The following GNGT2 variants were observed in gnomAD, a reference collection of about 807,000 sequenced individuals.
The protein encoded by GNGT2 is G protein subunit gamma transducin 2, also known as guanine nucleotide-binding protein G(I)/G(S)/G(O) subunit gamma-T2.
Under a neutral mutation model 3.5 loss-of-function variants are expected in GNGT2, and 4 were observed. That is an observed-to-expected ratio of 1.13 (90% CI 0.56 to 2.59). GNGT2 has a LOEUF of 2.59. Ranked by LOEUF, GNGT2 falls within the 30% of genes most tolerant of loss-of-function variation. The pLI is 0.02. For missense variants in GNGT2, 64 were observed against 81.2 expected, an observed-to-expected ratio of 0.79 and a Z score of 0.82; for synonymous variants, 31 against 29.5, an observed-to-expected ratio of 1.05 and a Z score of -0.17.
At chr17:49,207,503 C>A in intron 2 of GNGT2, 59 bp from the exon 3 acceptor site, 1 of 909,734 alleles carries the variant, frequency 1.1e-6, no homozygotes. Context: ...GCTCCCTCCA[C>A]ACCTCGACTT....
intron 1 of GNGT2, among the ~76,000 whole-genome samples, chr17:49,209,679 G>C (rs1368027180): frequency 6.6e-6 from 1 of 152,174 alleles, no homozygotes; most frequent in Non-Finnish European, 1.5e-5. Context: ...GTCAATGGGA[G>C]GTCCTCTTAT....
chr17:49,209,646 G>A (rs926821201), intron 1 of GNGT2, among the ~76,000 whole-genome samples: 1 of 152,172 alleles, frequency 6.6e-6, no homozygotes, highest in African/African-American at 2.4e-5. Flanking sequence ...CGCTGGAGGA[G>A]CAAAAGTTAA....
chr17:49,207,893 C>T (rs1410601150), intron 2 of GNGT2, among the ~76,000 whole-genome samples: 3 of 152,066 alleles, frequency 2.0e-5, no homozygotes, highest in Admixed American at 6.6e-5. Flanking sequence ...TGGCTGGGCG[C>T]GGTGGCTCAC....
In GNGT2 at chr17:49,210,188, C is replaced by T. The variant is rs995269125; in HGVS notation, c.-133+256G>A. 6.6e-6 allele frequency: 1 copy of T among 152,508 alleles called. No homozygotes were observed. The highest frequency in any genetic ancestry group is 2.4e-5 in the African/African-American group (1 of 41,434). 9.4% of individuals were successfully genotyped at this position (152,508 alleles called of 1,614,324 possible). ...TCGGCTGTTTTCTATTTTTGCTGTG[C>T]TGCTGCCCCACAGTCCTCTGGTATG... On this transcript the variant is annotated intron_variant, in intron 1 of 3. Transcript: ENST00000507680. This position sits in a 1 kb window ranked among gnomAD's most constrained non-coding sequence, Gnocchi z 4.2.
At position 49,210,399 on chromosome 17, in the gene GNGT2, C is replaced by T. The variant is rs909204680; in HGVS notation, c.-133+45G>A. Reference sequence around the variant, plus strand: ...GTCTCCGACCCCATCCCCCAGCCGACCAGTTTCCTCTCCAGGACCAGGGAG... The same window carrying T: ...GTCTCCGACCCCATCCCCCAGCCGATCAGTTTCCTCTCCAGGACCAGGGAG... On this transcript the variant is annotated intron_variant, in intron 1 of 3. Coordinates refer to ENST00000507680, the MANE Select transcript of GNGT2 (RefSeq NM_001198754.2). This position sits in a 1 kb window ranked among gnomAD's most constrained non-coding sequence, Gnocchi z 4.2. 2.3e-5 allele frequency: 5 copies of T among 215,190 alleles called. No homozygotes were observed. The highest frequency in any genetic ancestry group is 4.6e-5 in the Non-Finnish European group (5 of 108,570). The allele number at this position is 215,190 out of a possible 1,614,324, so 13.3% of individuals were successfully genotyped here.
At position 49,206,756 on chromosome 17, in the gene GNGT2, A is replaced by G. The variant is rs774408069; in HGVS notation, c.*1T>C. 1.9e-6 allele frequency: 3 copies of G among 1,612,556 alleles called. No homozygotes were observed. Among genetic ancestry groups the G allele is most frequent in the Non-Finnish European group, 2.5e-6 (3 of 1,179,332 alleles). Reference sequence around the variant, plus strand: ...GACACTCAGGGCAGGGCTCCATGCCATCAGCTTATCAGACAGCCACCTTTC... The same window carrying G: ...GACACTCAGGGCAGGGCTCCATGCCGTCAGCTTATCAGACAGCCACCTTTC... On this transcript the variant is annotated 3_prime_UTR_variant, in exon 4 of 4. Coordinates refer to ENST00000507680, the MANE Select transcript of GNGT2 (RefSeq NM_001198754.2).
Position 49,206,872 on chromosome 17 carries a change from G to A in GNGT2, c.95C>T (p.Ala32Val), listed in dbSNP as rs1172469007. 7 of 1,613,622 alleles carry A rather than the reference G, an allele frequency of 4.3e-6. No individual in the cohort carries two copies. The highest frequency in any genetic ancestry group is 4.0e-5 in the African/African-American group (3 of 74,868). Residue 32 changes from alanine (A) to valine (V), a missense_variant, in exon 4 of 4, where the codon GCG becomes GTG. Coordinates refer to ENST00000507680, the MANE Select transcript of GNGT2 (RefSeq NM_001198754.2). ...CACGTACTCCTTGATTTCCTTTCCC[G>A]CTTTGGAAATCTGCGAGAACACAAA... ...VKNTRIPISK[A>V]GKEIKEYVEA... is the part of the protein sequence containing the mutation.
rs1257867202 is a variant in GNGT2, at chr17:49,206,825, G to T, written c.142C>A (p.Pro48Thr). The stretch of plus-strand genomic sequence containing the variant: ...TCCTCAGGGATGCCTTTGAGAAAAG[G>T]ATCGTTTCCTGCTTGGGCCTCCACG... ...EYVEAQAGND[P>T]FLKGIPEDKN... The change falls in exon 4 of 4, where the codon CCT (proline) becomes ACT (threonine). Residue 48 changes from proline to threonine, a missense_variant. Physicochemically the swap from Pro to Thr is conservative, Grantham distance 38. Coordinates refer to ENST00000507680, the MANE Select transcript of GNGT2 (RefSeq NM_001198754.2). The T allele has an allele frequency of 6.2e-7, 1 of 1,613,646 alleles. No homozygotes were observed. Among genetic ancestry groups the T allele is most frequent in the South Asian group, 1.1e-5 (1 of 91,068 alleles).
At position 49,206,828 on chromosome 17, in the gene GNGT2, C is replaced by A. The variant is rs751167025; in HGVS notation, c.139G>T (p.Asp47Tyr). 6.2e-7 allele frequency: 1 copy of A among 1,613,552 alleles called. No individual in the cohort carries two copies. The highest frequency in any genetic ancestry group is 8.5e-7 in the Non-Finnish European group (1 of 1,179,642). The change falls in exon 4 of 4, where the codon GAT becomes TAT. Residue 47 changes from aspartate (D) to tyrosine (Y), a missense_variant. Transcript: ENST00000507680. ...KEYVEAQAGNDPFLKGIPEDK... is the reference protein window; with the variant it reads ...KEYVEAQAGNYPFLKGIPEDK... Reference sequence around the variant, plus strand: ...TCAGGGATGCCTTTGAGAAAAGGATCGTTTCCTGCTTGGGCCTCCACGTAC... The same window carrying A: ...TCAGGGATGCCTTTGAGAAAAGGATAGTTTCCTGCTTGGGCCTCCACGTAC...
chr17:49,207,573 C>T (rs2043118207), intron 2 of GNGT2, 129 bp from the exon 3 acceptor site: 1 of 654,970 alleles, frequency 1.5e-6, no homozygotes, highest in East Asian at 2.6e-5. Flanking sequence ...CAGATATTCA[C>T]TCCATCCTTG....
intron 1 of GNGT2, chr17:49,209,178 C>T (rs1342875359): frequency 1.3e-5 from 2 of 152,554 alleles, no homozygotes; most frequent in African/African-American, 4.8e-5. Flanking sequence ...GCTTCTATTT[C>T]TCCACCTCCA....
chr17:49,207,326 C>T lies in GNGT2; in HGVS notation c.84+13G>A, dbSNP rs779059119. 48 of 1,588,706 alleles carry T rather than the reference C, an allele frequency of 3.0e-5. No homozygotes were observed. The highest frequency in any genetic ancestry group is 3.5e-5 in the Non-Finnish European group (41 of 1,156,880). ...CAGGAAGGGAAGAGCAGGGACGGGGCGAGGAGGCTCACCGGAATTCTTGTG... is the reference window on the plus strand; with the variant it reads ...CAGGAAGGGAAGAGCAGGGACGGGGTGAGGAGGCTCACCGGAATTCTTGTG... On this transcript the variant is annotated intron_variant, in intron 3 of 3. Coordinates refer to ENST00000507680, the MANE Select transcript of GNGT2 (RefSeq NM_001198754.2).
chr17:49,208,439 C>T (rs368674324), intron 2 of GNGT2, among the ~76,000 whole-genome samples: 1 of 148,992 alleles, frequency 6.7e-6, no homozygotes, highest in South Asian at 2.1e-4. Context: ...CCAGCTTAGG[C>T]GACAAGAGTG....
intron 2 of GNGT2, among the ~76,000 whole-genome samples, chr17:49,208,447 G>A (rs544380282): frequency 2.0e-5 from 3 of 151,136 alleles, no homozygotes; most frequent in African/African-American, 4.9e-5. Flanking sequence ...GGCGACAAGA[G>A]TGAGACTCCA....
Position 49,210,380 on chromosome 17 carries a change from G to C in GNGT2, c.-133+64C>G. 1 of 177,578 alleles carries C rather than the reference G, an allele frequency of 5.6e-6. No individual in the cohort carries two copies. The highest frequency in any genetic ancestry group is 1.4e-4 in the East Asian group (1 of 7,262). 11.0% of individuals were successfully genotyped at this position (177,578 alleles called of 1,614,324 possible). A position where few individuals can be genotyped will look rare whatever the true frequency, so the allele number is the denominator to read the frequency against. On this transcript the variant is annotated intron_variant, in intron 1 of 3. Transcript: ENST00000507680. This position sits in a 1 kb window ranked among gnomAD's most constrained non-coding sequence, Gnocchi z 4.2. ...CCAGCCCCCTTCCTCCCCAGTCTCC[G>C]ACCCCATCCCCCAGCCGACCAGTTT...
chr17:49,207,370 A>G lies in GNGT2; in HGVS notation c.53T>C (p.Leu18Pro). Residue 18 changes from leucine to proline, a missense_variant, in exon 3 of 4, where the codon CTG becomes CCG. By Grantham distance (98) the Leu-to-Pro change is moderately conservative (BLOSUM62 -3). Transcript: ENST00000507680. ...TCTTGTGTTTTTCACTTCTTTCTTC[A>G]GCTGCTCCACCTCCATCTTCAACAG... ...KDLLKMEVEQ[L>P]KKEVKNTRIP... The G allele has an allele frequency of 1.2e-6, 2 of 1,613,726 alleles. No individual in the cohort carries two copies. The highest frequency in any genetic ancestry group is 1.7e-6 in the Non-Finnish European group (2 of 1,179,648).
rs1321926009 is a variant in GNGT2 at position 49,206,279 on chromosome 17, T to A, written c.*478A>T. 6.5e-6 allele frequency: 1 copy of A among 154,538 alleles called. No individual in the cohort carries two copies. The highest frequency in any genetic ancestry group is 1.4e-5 in the Non-Finnish European group (1 of 69,866). The allele number at this position is 154,538 out of a possible 1,614,324, so 9.6% of individuals were successfully genotyped here. A position where few individuals can be genotyped will look rare whatever the true frequency, so the allele number is the denominator to read the frequency against. ...GTTGTCATCAGGCCATCTGGGGTGA[T>A]CTAAATGACTAGGAACAGGACCATA... is the stretch of plus-strand genomic sequence containing the variant. On this transcript the variant is annotated 3_prime_UTR_variant, in exon 4 of 4. Transcript: ENST00000507680.
At chr17:49,208,201 C>T (rs1253727921) in intron 2 of GNGT2, among the ~76,000 whole-genome samples, 1 of 152,020 alleles carries the variant, frequency 6.6e-6, no homozygotes, top group African/African-American at 2.4e-5. Context: ...TGGCTCATGC[C>T]TGTAATCCCA....
chr17:49,207,842 G>A (rs181881476), intron 2 of GNGT2, among the ~76,000 whole-genome samples: 122 of 152,280 alleles, frequency 8.0e-4, no homozygotes, highest in African/African-American at 2.8e-3. Flanking sequence ...TCCAGGTCCA[G>A]CAAGGGAGAG....
Sources: allele counts gnomAD v4.1 joint callset (sites outside exome capture counted in the v4.1 genomes callset), GRCh38; gene constraint gnomAD v4.1.1; non-coding constraint Gnocchi (gnomAD v3.1); transcripts MANE v1.5; gene names NCBI Gene and HGNC (gene_info 2026-07-23, HGNC 2026-07-21).